The following RCC1 variants were observed in gnomAD, a reference collection of about 807,000 sequenced individuals.
RCC1 encodes the protein regulator of chromosome condensation 1.
In RCC1, 11 loss-of-function variants were observed where a neutral mutation model predicts 44.4. That is an observed-to-expected ratio of 0.25 (90% CI 0.16 to 0.41). RCC1 has a LOEUF of 0.41. Ranked by LOEUF, RCC1 falls within the 10% of genes least tolerant of loss-of-function variation. The probability of loss-of-function intolerance (pLI) is 1.00; values close to 1 mark genes in which losing one functional copy is unlikely to be tolerated. For synonymous variants in RCC1, 213 were observed against 216.5 expected, an observed-to-expected ratio of 0.98 and a Z score of 0.14; for missense variants, 386 against 547.1, an observed-to-expected ratio of 0.71 and a Z score of 2.94.
At chr1:28,515,640 C>T (rs1662852459) in intron 3 of RCC1, among the ~76,000 whole-genome samples, 1 of 147,934 alleles carries the variant, frequency 6.8e-6, no homozygotes, top group Non-Finnish European at 1.5e-5. Flanking sequence ...TTGCTTGAAC[C>T]CAGGGGGCAG....
intron 4 of RCC1, among the ~76,000 whole-genome samples, chr1:28,529,108 C>A (rs557748353): frequency 1.4e-5 from 2 of 147,056 alleles, no homozygotes; most frequent in Non-Finnish European, 3.0e-5. Flanking sequence ...CTCCTGACCT[C>A]AAGTGATCCA....
intron 4 of RCC1, among the ~76,000 whole-genome samples, chr1:28,517,457 A>T (rs1256415527): frequency 1.3e-5 from 2 of 152,098 alleles, no homozygotes; most frequent in Non-Finnish European, 2.9e-5. Flanking sequence ...TTTGTTCTAT[A>T]AGATCTGATC....
At chr1:28,535,656 G>A (rs1664500872) in intron 9 of RCC1, 3 of 757,426 alleles carry the variant, frequency 4.0e-6, no homozygotes, top group Non-Finnish European at 6.9e-6. Flanking sequence ...TCAGGCAGAT[G>A]GTAAGTTCCA....
chr1:28,532,619 A>G (rs1570216917), intron 7 of RCC1: 1 of 518,384 alleles, frequency 1.9e-6, no homozygotes, highest in East Asian at 4.2e-5. Flanking sequence ...CTGATCCAGG[A>G]GGCCTGCTGT....
intron 1 of RCC1, chr1:28,507,779 G>A (rs1456104448): frequency 5.9e-6 from 2 of 341,310 alleles, no homozygotes; most frequent in Non-Finnish European, 1.2e-5. Context: ...GCTAATTTTT[G>A]TATTTTTAGT....
Position 28,536,212 on chromosome 1 carries a change from G to A in RCC1, c.818-50G>A. On this transcript the variant is annotated intron_variant, in intron 10 of 12. Transcript: ENST00000683442. This position sits in a 1 kb window ranked among gnomAD's most constrained non-coding sequence, Gnocchi z 4.9. Reference sequence around the variant, plus strand: ...CTCACTGTGGGAGGAGATTGAGAAGGGCAGCTCTCAGAACACCTTCACCCC... The same window carrying A: ...CTCACTGTGGGAGGAGATTGAGAAGAGCAGCTCTCAGAACACCTTCACCCC... 1.2e-6 allele frequency: 2 copies of A among 1,600,826 alleles called. No homozygotes were observed. Among genetic ancestry groups the A allele is most frequent in the Non-Finnish European group, 1.7e-6 (2 of 1,173,660 alleles).
Position 28,535,944 on chromosome 1 carries a change from C to T in RCC1, c.735C>T (p.Ala245=), listed in dbSNP as rs1289082075. The T allele has an allele frequency of 3.1e-6, 5 of 1,613,978 alleles. No homozygotes were observed. In the African/African-American group the frequency reaches 4.0e-5, roughly 13 times the overall value. The change falls in exon 10 of 13, where the codon GCC becomes GCT. Residue 245 remains alanine, a synonymous_variant. Transcript: ENST00000683442. ...GSRGHVRFQD[A]FCGAYFTFAI... ...GGGGCCACGTGAGATTCCAGGATGC[C>T]TTTTGTGGTGCCTATTTCACCTTTG...
chr1:28,526,103 G>A (rs1663642216), intron 4 of RCC1, among the ~76,000 whole-genome samples: 1 of 151,994 alleles, frequency 6.6e-6, no homozygotes, highest in African/African-American at 2.4e-5. Context: ...TGGGCAACTT[G>A]GCAAAACCCT....
At chr1:28,524,351 T>C (rs1663504852) in intron 4 of RCC1, among the ~76,000 whole-genome samples, 1 of 152,192 alleles carries the variant, frequency 6.6e-6, no homozygotes, top group Non-Finnish European at 1.5e-5. Flanking sequence ...GCCAAGCTCA[T>C]AGGGGGATCT....
intron 4 of RCC1, among the ~76,000 whole-genome samples, chr1:28,527,903 A>G (rs527534449): frequency 1.3e-4 from 20 of 151,578 alleles, no homozygotes; most frequent in Non-Finnish European, 2.7e-4. Flanking sequence ...TAGCTACTCC[A>G]GAGGCTGAGG....
intron 4 of RCC1, among the ~76,000 whole-genome samples, chr1:28,528,379 C>T (rs1228519147): frequency 6.6e-6 from 1 of 152,146 alleles, no homozygotes; most frequent in East Asian, 1.9e-4. Context: ...TCACTTGAAC[C>T]CAGGAGGCAG....
chr1:28,508,709 T>G (rs761845111), intron 2 of RCC1, 121 bp from the exon 3 acceptor site: 19 of 518,898 alleles, frequency 3.7e-5, no homozygotes, highest in Admixed American at 1.6e-4. Flanking sequence ...TTCCTACAGC[T>G]TCCCAGAGTC....
intron 4 of RCC1, among the ~76,000 whole-genome samples, chr1:28,528,181 C>A (rs1361914521): frequency 1.3e-5 from 2 of 151,592 alleles, no homozygotes; most frequent in African/African-American, 2.4e-5. Flanking sequence ...TTGGGCTGGG[C>A]ACAGTGGCTC....
rs769991067 is a variant in RCC1, at chr1:28,508,848, C to A, written c.-210C>A. On this transcript the variant is annotated 5_prime_UTR_variant, in exon 3 of 13. Transcript: ENST00000683442. The stretch of plus-strand genomic sequence containing the variant: ...CTTTTAGGAGAGAAGACGATCTGCA[C>A]TTCGCATTTTGGCATTGACATTTAA... 1.9e-6 allele frequency: 1 copy of A among 517,568 alleles called. No homozygotes were observed. Among genetic ancestry groups the A allele is most frequent in the South Asian group, 1.4e-5 (1 of 71,312 alleles). The allele number at this position is 517,568 out of a possible 1,614,324, so 32.1% of individuals were successfully genotyped here. A position where few individuals can be genotyped will look rare whatever the true frequency, so the allele number is the denominator to read the frequency against.
Position 28,536,120 on chromosome 1 carries a change from T to A in RCC1, c.817+94T>A. On this transcript the variant is annotated intron_variant, in intron 10 of 12. Transcript: ENST00000683442. This position sits in a 1 kb window ranked among gnomAD's most constrained non-coding sequence, Gnocchi z 4.9. ...TCATTGTGCATCCTTTGCGGGGTCG[T>A]CTAACCCCTCCAAGCCAGTTTTGTC... 1 of 1,541,178 alleles carries A rather than the reference T, an allele frequency of 6.5e-7. No homozygotes were observed. Among genetic ancestry groups the A allele is most frequent in the Non-Finnish European group, 8.8e-7 (1 of 1,140,846 alleles).
intron 2 of RCC1, 153 bp from the exon 3 acceptor site, chr1:28,508,677 G>C (rs779511612): frequency 5.8e-6 from 3 of 519,040 alleles, no homozygotes; most frequent in Non-Finnish European, 3.8e-6. Context: ...ATGAAGCTGG[G>C]CCTCGTGTCT....
intron 7 of RCC1, among the ~76,000 whole-genome samples, chr1:28,533,262 G>A (rs1664293653): frequency 6.6e-6 from 1 of 151,264 alleles, no homozygotes; most frequent in Admixed American, 6.6e-5. Flanking sequence ...ACGACGTCAG[G>A]AGATCGAGAC....
chr1:28,535,726 CTCAGTT>C, intron 9 of RCC1, 139 bp from the exon 10 acceptor site: 1 of 926,020 alleles, frequency 1.1e-6, no homozygotes, highest in Non-Finnish European at 1.7e-6. Context: ...TTCTCTTGAT[CTCAGTT>C]TCCTTTTCTA....
At chr1:28,513,012 A>G (rs1044751659) in intron 3 of RCC1, among the ~76,000 whole-genome samples, 6 of 150,498 alleles carry the variant, frequency 4.0e-5, no homozygotes, top group African/African-American at 1.5e-4. Context: ...TGACCTTGTG[A>G]TCCACCCGCC....
Sources: gnomAD v4.1 joint callset for allele counts (sites outside exome capture counted in the v4.1 genomes callset) on GRCh38, gnomAD v4.1.1 for gene constraint, Gnocchi (gnomAD v3.1) non-coding constraint, MANE v1.5 for transcripts, NCBI Gene and HGNC (gene_info 2026-07-23, HGNC 2026-07-21) for gene names.